The following SRFBP1 variants were observed in gnomAD, a reference collection of about 807,000 sequenced individuals.
The protein encoded by SRFBP1 is serum response factor binding protein 1.
Under a neutral mutation model 45.5 loss-of-function variants are expected in SRFBP1, and 47 were observed. The observed-to-expected ratio is 1.03, with a 90% confidence interval of 0.82 to 1.32. The LOEUF (loss-of-function observed/expected upper bound fraction) is 1.32, where lower values mean the gene tolerates loss of function less well. Ranked by LOEUF, SRFBP1 falls within the 40% of genes most tolerant of loss-of-function variation. The probability of loss-of-function intolerance (pLI) is 0.00; values close to 1 mark genes in which losing one functional copy is unlikely to be tolerated. For missense variants in SRFBP1, 621 were observed against 484.6 expected, an observed-to-expected ratio of 1.28 and a Z score of -2.64; for synonymous variants, 203 against 166.3, an observed-to-expected ratio of 1.22 and a Z score of -1.70.
At chr5:121,966,368 A>G (rs904013652) in intron 1 of SRFBP1, among the ~76,000 whole-genome samples, 1 of 152,176 alleles carries the variant, frequency 6.6e-6, no homozygotes, top group Non-Finnish European at 1.5e-5. Flanking sequence ...TACTTTGAAG[A>G]GAGAATTTTT....
At chr5:122,035,068 C>G (rs190117225) in intron 2 of SRFBP1, among the ~76,000 whole-genome samples, 65 of 151,396 alleles carry the variant, frequency 4.3e-4, no homozygotes, top group African/African-American at 1.5e-3. Context: ...GTTGTTTTTT[C>G]TATTACCCTT....
At chr5:122,065,695 C>T (rs1409006990) in intron 2 of SRFBP1, 1 of 152,024 alleles carries the variant, frequency 6.6e-6, no homozygotes, top group Non-Finnish European at 1.5e-5. Context: ...TAACATTCCT[C>T]TAATAGCTGA....
chr5:122,077,713 G>A, downstream of SRFBP1: 3 of 1,589,616 alleles, frequency 1.9e-6, no homozygotes. The surrounding 1 kb of genome is among the most constrained non-coding windows in gnomAD (Gnocchi z 4.9). Context: ...GGATCAGCAG[G>A]ATCGGAGTGC....
At chr5:121,976,847 C>T (rs1580501851) in intron 3 of SRFBP1, among the ~76,000 whole-genome samples, 1 of 149,856 alleles carries the variant, frequency 6.7e-6, no homozygotes. Context: ...CTGGAGTAAA[C>T]TGGAATTTGT....
intron 4 of SRFBP1, among the ~76,000 whole-genome samples, chr5:121,997,720 G>C (rs1053698111): frequency 6.6e-6 from 1 of 151,718 alleles, no homozygotes; most frequent in Non-Finnish European, 1.5e-5. Context: ...CCATCAGAGT[G>C]AACAGGCAAC....
intron 1 of SRFBP1, among the ~76,000 whole-genome samples, chr5:121,969,704 G>T (rs1283923857): frequency 6.6e-6 from 1 of 151,922 alleles, no homozygotes; most frequent in Non-Finnish European, 1.5e-5. Context: ...TTTTTCTTCA[G>T]ACCTTATAGA....
intron 2 of SRFBP1, among the ~76,000 whole-genome samples, chr5:122,051,461 A>G (rs1753972301): frequency 6.6e-6 from 1 of 150,796 alleles, no homozygotes; most frequent in Admixed American, 6.6e-5. Context: ...TATATTTAGG[A>G]TAGTTAGGTC....
intron 4 of SRFBP1, among the ~76,000 whole-genome samples, chr5:122,016,393 C>A (rs1014675421): frequency 5.9e-5 from 9 of 152,084 alleles, no homozygotes; most frequent in African/African-American, 1.9e-4. Context: ...GTTGGAAATT[C>A]TTTTCCTTCA....
At chr5:122,075,979 T>C (rs568514774), downstream of SRFBP1, 1 of 152,564 alleles carries the variant, frequency 6.6e-6, no homozygotes, top group African/African-American at 2.4e-5. Flanking sequence ...AAAAAGTTAA[T>C]GAGCTGCAAA....
intron 2 of SRFBP1, among the ~76,000 whole-genome samples, chr5:122,035,303 G>A (rs957014818): frequency 6.6e-6 from 1 of 152,134 alleles, no homozygotes; most frequent in Non-Finnish European, 1.5e-5. Flanking sequence ...TGAGTGTCCA[G>A]TGTAGGCTCA....
At chr5:121,995,048 C>G (rs534671616) in intron 4 of SRFBP1, among the ~76,000 whole-genome samples, 45 of 151,624 alleles carry the variant, frequency 3.0e-4, no homozygotes, top group African/African-American at 1.0e-3. Context: ...GACTTAGACT[C>G]CCATACAATA....
chr5:122,046,201 C>T (rs1753854308), intron 2 of SRFBP1, among the ~76,000 whole-genome samples: 1 of 152,042 alleles, frequency 6.6e-6, no homozygotes, highest in Non-Finnish European at 1.5e-5. Flanking sequence ...TCCACCCCCC[C>T]TCACCCCACA....
chr5:122,025,295 C>A (rs1166591620), intron 7 of SRFBP1, among the ~76,000 whole-genome samples: 11 of 152,156 alleles, frequency 7.2e-5, no homozygotes, highest in African/African-American at 2.7e-4. Flanking sequence ...ATGAACTCAT[C>A]AGTTTTTATG....
At chr5:121,984,372 T>G (rs1752474539) in intron 3 of SRFBP1, among the ~76,000 whole-genome samples, 1 of 151,732 alleles carries the variant, frequency 6.6e-6, no homozygotes, top group Admixed American at 6.6e-5. Context: ...AGGTAATCAG[T>G]TTTTAGAAAT....
At chr5:122,064,704 A>G (rs183478555) in intron 2 of SRFBP1, 1 of 152,046 alleles carries the variant, frequency 6.6e-6, no homozygotes, top group East Asian at 1.9e-4. Context: ...ATACTTATTG[A>G]GGTTATAGAC....
chr5:122,021,069 G>A (rs548615311), intron 6 of SRFBP1, among the ~76,000 whole-genome samples: 1 of 152,138 alleles, frequency 6.6e-6, no homozygotes, highest in South Asian at 2.1e-4. Context: ...ACTTATCAAA[G>A]TTTTGAAACT....
intron 4 of SRFBP1, among the ~76,000 whole-genome samples, chr5:122,014,386 A>C (rs926351101): frequency 6.6e-6 from 1 of 152,112 alleles, no homozygotes; most frequent in African/African-American, 2.4e-5. Context: ...CTGCTGCTAC[A>C]TATGGCTGCA....
downstream of SRFBP1, chr5:122,077,879 G>T: frequency 6.5e-7 from 1 of 1,537,026 alleles, no homozygotes. The surrounding 1 kb of genome is among the most constrained non-coding windows in gnomAD (Gnocchi z 4.9). Context: ...CGGAGCCGCC[G>T]GCGGCTCGCG....
At chr5:121,992,356 C>T (rs1752636556) in intron 3 of SRFBP1, among the ~76,000 whole-genome samples, 1 of 151,994 alleles carries the variant, frequency 6.6e-6, no homozygotes, top group Admixed American at 6.6e-5. Context: ...CCCCCTCCAC[C>T]TCCACCATTT....
Sources: gnomAD v4.1 joint callset for allele counts (sites outside exome capture counted in the v4.1 genomes callset) on GRCh38, gnomAD v4.1.1 for gene constraint, Gnocchi (gnomAD v3.1) non-coding constraint, MANE v1.5 for transcripts, NCBI Gene and HGNC (gene_info 2026-07-23, HGNC 2026-07-21) for gene names.